ZNF362: variants seen among roughly 807,000 people sequenced by gnomAD.
The protein encoded by ZNF362 is zinc finger protein 362.
ZNF362 carries 11 observed loss-of-function variants against 42.9 expected under a neutral mutation model. That is an observed-to-expected ratio of 0.26 (90% CI 0.16 to 0.42). The LOEUF is 0.42. ZNF362 is among the 20% of genes least tolerant of loss of function. The probability of loss-of-function intolerance (pLI) is 1.00; values close to 1 mark genes in which losing one functional copy is unlikely to be tolerated. For synonymous variants in ZNF362, 255 were observed against 257.3 expected, an observed-to-expected ratio of 0.99 and a Z score of 0.09; for missense variants, 362 against 576.2, an observed-to-expected ratio of 0.63 and a Z score of 3.81.
the ZNF362 span, among the ~76,000 whole-genome samples, chr1:33,234,734 C>A: frequency 6.6e-6 from 1 of 152,222 alleles, no homozygotes; most frequent in Non-Finnish European, 1.5e-5. Flanking sequence ...CCAAAGCCTG[C>A]ACCTTTCAGG....
intron 1 of ZNF362, among the ~76,000 whole-genome samples, chr1:33,265,270 G>A (rs1645857463): frequency 6.6e-6 from 1 of 151,546 alleles, no homozygotes; most frequent in Non-Finnish European, 1.5e-5. Context: ...ACCGCCCTCA[G>A]TGTCTCTGGG....
chr1:33,279,165 C>T (rs1645972186), intron 4 of ZNF362, among the ~76,000 whole-genome samples: 1 of 152,060 alleles, frequency 6.6e-6, no homozygotes, highest in South Asian at 2.1e-4. Context: ...GCTGGGACTA[C>T]AGGCACACGC....
At chr1:33,148,784 CA>C in the ZNF362 span, among the ~76,000 whole-genome samples, 1 of 152,162 alleles carries the variant, frequency 6.6e-6, no homozygotes, top group South Asian at 2.1e-4. Flanking sequence ...GAAAAGTAGA[CA>C]ATGGGTCTGA....
At chr1:33,195,054 G>A in the ZNF362 span, 1 of 152,124 alleles carries the variant, frequency 6.6e-6, no homozygotes, top group Non-Finnish European at 1.5e-5. Context: ...AATCTGAAAA[G>A]CCATCAGAAA....
the ZNF362 span, chr1:33,181,592 G>A: frequency 6.0e-6 from 8 of 1,330,440 alleles, no homozygotes; most frequent in East Asian, 2.8e-5. The surrounding 1 kb of genome is among the most constrained non-coding windows in gnomAD (Gnocchi z 6.5). Flanking sequence ...TCCGGAAGGA[G>A]GGTAACGCGA....
intron 1 of ZNF362, among the ~76,000 whole-genome samples, chr1:33,262,551 T>C (rs545394039): frequency 1.2e-4 from 18 of 152,130 alleles, no homozygotes; most frequent in East Asian, 7.8e-4. Flanking sequence ...TTGTGATCCA[T>C]CCGCCTTGGC....
the ZNF362 span, among the ~76,000 whole-genome samples, chr1:33,194,571 C>T: frequency 0.015 from 2,322 of 150,294 alleles, 77 homozygotes; most frequent in African/African-American, 0.053. Flanking sequence ...GGTCTGAAGC[C>T]GCACACCTGG....
intron 1 of ZNF362, among the ~76,000 whole-genome samples, chr1:33,258,212 G>A (rs532423887): frequency 1.3e-5 from 2 of 152,336 alleles, no homozygotes; most frequent in East Asian, 3.9e-4. Flanking sequence ...TATCTTGCTG[G>A]ACAGGTCAGG....
At chr1:33,130,278 G>A in the ZNF362 span, among the ~76,000 whole-genome samples, 4 of 152,162 alleles carry the variant, frequency 2.6e-5, no homozygotes, top group South Asian at 2.1e-4. Context: ...ATTTCCTCCC[G>A]TTGAGTATGG....
At chr1:33,137,764 G>T in the ZNF362 span, among the ~76,000 whole-genome samples, 1 of 152,282 alleles carries the variant, frequency 6.6e-6, no homozygotes, top group Admixed American at 6.5e-5. Flanking sequence ...ATACCTACCT[G>T]CCCCTGTCCC....
Position 33,276,148 on chromosome 1 carries a change from C to T in ZNF362, c.87C>T (p.Pro29=), listed in dbSNP as rs1229807678. ...FNNPYFWPPP[P]TMPSQLDNLV... ...ACCCCTACTTCTGGCCCCCTCCTCC[C>T]ACCATGCCCAGCCAGGTAAGACTGA... The change falls in exon 3 of 9, where the codon CCC becomes CCT. Residue 29 remains proline, a synonymous_variant. Transcript: ENST00000539719. 2 of 1,613,866 alleles carry T rather than the reference C, an allele frequency of 1.2e-6. No individual in the cohort carries two copies. The highest frequency in any genetic ancestry group is 1.7e-4 in the Middle Eastern group (1 of 6,060).
At chr1:33,138,077 G>T in the ZNF362 span, among the ~76,000 whole-genome samples, 1 of 152,206 alleles carries the variant, frequency 6.6e-6, no homozygotes, top group Admixed American at 6.5e-5. Flanking sequence ...CTCAGGGGAG[G>T]TGGAGGAGGC....
At position 33,280,648 on chromosome 1, in the gene ZNF362, G is replaced by A. The variant is rs944666664; in HGVS notation, c.683+191G>A. On this transcript the variant is annotated intron_variant, in intron 5 of 8. Transcript: ENST00000539719. This position sits in a 1 kb window ranked among gnomAD's most constrained non-coding sequence, Gnocchi z 5.6. ...AGTCCCAGTTCGGGGAGGGCTGCTG[G>A]GGAGGGGAATAGAGGCTTGGACCCT... Among the ~76,000 whole-genome samples, 20 of 152,182 alleles carry A rather than the reference G, an allele frequency of 1.3e-4. No homozygotes were observed. The highest frequency in any genetic ancestry group is 1.9e-4 in the Non-Finnish European group (13 of 68,010).
chr1:33,157,858 G>A, the ZNF362 span, among the ~76,000 whole-genome samples: 1 of 152,016 alleles, frequency 6.6e-6, no homozygotes, highest in Non-Finnish European at 1.5e-5. Context: ...CTGGGTTCAA[G>A]CAATTCTCCT....
the ZNF362 span, among the ~76,000 whole-genome samples, chr1:33,237,123 T>A: frequency 1.3e-5 from 2 of 152,142 alleles, no homozygotes; most frequent in African/African-American, 4.8e-5. Flanking sequence ...CATAAATATA[T>A]ACAATTATTT....
chr1:33,242,617 T>C, the ZNF362 span, among the ~76,000 whole-genome samples: 43 of 152,204 alleles, frequency 2.8e-4, 1 homozygote, highest in African/African-American at 9.6e-4. Flanking sequence ...AAAACCAGCA[T>C]TGAAAATCAA....
At chr1:33,146,986 A>G in the ZNF362 span, 7 of 625,704 alleles carry the variant, frequency 1.1e-5, no homozygotes, top group Admixed American at 1.5e-4. Context: ...GCTACAGAAC[A>G]TCGATGCTGG....
rs1161010099 is a variant in ZNF362 at position 33,266,102 on chromosome 1, C to A, written c.-88-4385C>A. Among the ~76,000 whole-genome samples, 1 of 152,218 alleles carries A rather than the reference C, an allele frequency of 6.6e-6. No homozygotes were observed. ...CACCCTCCTGAGAATGCTGCCACTA[C>A]CCTCCCTTCCCTCCCAGCCTGACTG... is the stretch of plus-strand genomic sequence containing the variant. On this transcript the variant is annotated intron_variant, in intron 1 of 8. Transcript: ENST00000539719. The surrounding 1 kb of genome is among the most constrained non-coding windows in gnomAD (Gnocchi z 4.3).
chr1:33,280,477 G>A lies in ZNF362; in HGVS notation c.683+20G>A. The A allele has an allele frequency of 6.5e-7, 1 of 1,538,186 alleles. No individual in the cohort carries two copies. Among genetic ancestry groups the A allele is most frequent in the South Asian group, 1.2e-5 (1 of 81,318 alleles). On this transcript the variant is annotated intron_variant, in intron 5 of 8. Coordinates refer to ENST00000539719, the MANE Select transcript of ZNF362 (RefSeq NM_152493.3). This position sits in a 1 kb window ranked among gnomAD's most constrained non-coding sequence, Gnocchi z 5.6. Reference sequence around the variant, plus strand: ...GTACAGGTGGGGGTCTTGGCGGGATGGGGTCCGAGTGGGCTTGGGGCTGGG... The same window carrying A: ...GTACAGGTGGGGGTCTTGGCGGGATAGGGTCCGAGTGGGCTTGGGGCTGGG...
Sources: allele counts gnomAD v4.1 joint callset (sites outside exome capture counted in the v4.1 genomes callset), GRCh38; gene constraint gnomAD v4.1.1; non-coding constraint Gnocchi (gnomAD v3.1); transcripts MANE v1.5; gene names NCBI Gene and HGNC (gene_info 2026-07-23, HGNC 2026-07-21).